CABLES1: variants seen among roughly 807,000 people sequenced by gnomAD.
CABLES1 encodes the protein Cdk5 and Abl enzyme substrate 1, also known as CDK5 and ABL1 enzyme substrate 1.
In CABLES1, 36 loss-of-function variants were observed where a neutral mutation model predicts 57.8. The ratio of observed to expected loss-of-function variants is 0.62; its 90% CI spans 0.48 to 0.82. The LOEUF is 0.82. Ranked by LOEUF, CABLES1 falls within the 40% of genes least tolerant of loss-of-function variation. CABLES1 has a pLI of 0.00. For missense variants in CABLES1, 767 were observed against 836.6 expected (o/e 0.92, Z 1.03); for synonymous variants, 374 against 363.0 (o/e 1.03, Z -0.35).
At chr18:23,141,893 C>A (rs1429587366) in intron 1 of CABLES1, among the ~76,000 whole-genome samples, 1 of 152,166 alleles carries the variant, frequency 6.6e-6, no homozygotes, top group African/African-American at 2.4e-5. Context: ...GGTGAGGTGG[C>A]AGAGAGCCAA....
chr18:23,222,516 TTC>T (rs888041607), intron 4 of CABLES1, among the ~76,000 whole-genome samples: 61 of 146,820 alleles, frequency 4.2e-4, no homozygotes, highest in Admixed American at 4.4e-4. Context: ...AGTGCTCACG[TTC>T]TCTCTCTCTC....
At chr18:23,144,846 G>A (rs7235010) in intron 1 of CABLES1, among the ~76,000 whole-genome samples, 116,283 of 152,094 alleles carry the variant, frequency 0.76, 44,725 homozygotes, top group Middle Eastern at 0.82. Flanking sequence ...GGCCAATGCT[G>A]TAAGTCAAGG....
rs763784586 is a variant in CABLES1 at position 23,206,007 on chromosome 18, T to C, written c.1011-7970T>C. Among the ~76,000 whole-genome samples the C allele has an allele frequency of 2.6e-5, 4 of 152,122 alleles. No homozygotes were observed. In the South Asian group the frequency reaches 6.2e-4, roughly 24 times the overall value. On this transcript the variant is annotated intron_variant, in intron 3 of 9. Transcript: ENST00000256925. ...CTCCCCAGTGCCTTCAAATGGAGCA[T>C]GGGCCTGCTGACACCTTGATTTTGG... is the stretch of plus-strand genomic sequence containing the variant.
chr18:23,203,811 A>G (rs559087929), intron 3 of CABLES1, among the ~76,000 whole-genome samples: 139 of 152,302 alleles, frequency 9.1e-4, no homozygotes, highest in African/African-American at 3.0e-3. Context: ...ATAGAAGTCA[A>G]GCATCTTCTG....
intron 1 of CABLES1, among the ~76,000 whole-genome samples, chr18:23,145,927 A>G (rs767743119): frequency 6.6e-6 from 1 of 152,240 alleles, no homozygotes; most frequent in African/African-American, 2.4e-5. Context: ...ATGACTTTAG[A>G]ATATTGTAAT....
chr18:23,234,803 G>C, intron 5 of CABLES1, 99 bp downstream of exon 5: 1 of 959,556 alleles, frequency 1.0e-6, no homozygotes, highest in South Asian at 1.4e-5. Flanking sequence ...TGAGGTGGAG[G>C]ACTCGAGGTC....
intron 3 of CABLES1, among the ~76,000 whole-genome samples, chr18:23,210,747 G>A (rs2047398963): frequency 6.6e-6 from 1 of 152,168 alleles, no homozygotes; most frequent in South Asian, 2.1e-4. Flanking sequence ...ACTACTTCAG[G>A]AAACACGTAT....
intron 1 of CABLES1, among the ~76,000 whole-genome samples, chr18:23,176,161 C>T (rs887857496): frequency 4.6e-5 from 7 of 152,094 alleles, no homozygotes; most frequent in South Asian, 2.1e-4. Flanking sequence ...TTCCTTATGC[C>T]AGTGGTCCCC....
At chr18:23,152,486 A>AT (rs67308509) in intron 1 of CABLES1, among the ~76,000 whole-genome samples, 95,638 of 134,828 alleles carry the variant, frequency 0.71, 34,545 homozygotes, top group Middle Eastern at 0.84. Context: ...GTTTGGTCTA[A>AT]TTTTTTTTTT....
In CABLES1 at chr18:23,136,088, G is replaced by A. The variant is rs1474762584; in HGVS notation, c.326G>A (p.Ser109Asn). The A allele has an allele frequency of 5.1e-6, 6 of 1,179,454 alleles. No individual in the cohort carries two copies. The highest frequency in any genetic ancestry group is 6.3e-6 in the Non-Finnish European group (6 of 955,582). 73.1% of individuals were successfully genotyped at this position (1,179,454 alleles called of 1,614,324 possible). ...GGACGARTRF[S>N]LLAAAERGGC... The stretch of plus-strand genomic sequence containing the variant: ...GCCTGCGGCGCGAGGACTCGGTTCA[G>A]CTTGCTCGCCGCTGCCGAGCGGGGC... Residue 109 changes from serine to asparagine, a missense_variant, in exon 1 of 10, where the codon AGC becomes AAC. Physicochemically the swap from Ser to Asn is conservative, Grantham distance 46. Coordinates refer to ENST00000256925, the MANE Select transcript of CABLES1 (RefSeq NM_001100619.3).
At chr18:23,253,430 C>T (rs1275091831) in intron 8 of CABLES1, among the ~76,000 whole-genome samples, 7 of 152,198 alleles carry the variant, frequency 4.6e-5, no homozygotes, top group Admixed American at 2.0e-4. Flanking sequence ...TTGCAGTGAG[C>T]CAAGATCGTG....
At chr18:23,139,616 T>C (rs1298772673) in intron 1 of CABLES1, among the ~76,000 whole-genome samples, 1 of 152,120 alleles carries the variant, frequency 6.6e-6, no homozygotes, top group Non-Finnish European at 1.5e-5. Context: ...TTACACCACC[T>C]CTGTTCACTG....
chr18:23,206,735 GAATATTTTTTAAAGCATCCAGTATTA>G (rs1660137706), intron 3 of CABLES1, among the ~76,000 whole-genome samples: 1 of 151,506 alleles, frequency 6.6e-6, no homozygotes, highest in Admixed American at 6.6e-5. Flanking sequence ...TGCCTTGTGT[GAATATTTTTTAAAGCATCCAGTATTA>G]AACAAAAAAT....
chr18:23,150,736 T>C (rs935865163), intron 1 of CABLES1, among the ~76,000 whole-genome samples: 1 of 151,746 alleles, frequency 6.6e-6, no homozygotes, highest in Non-Finnish European at 1.5e-5. Context: ...TGAACTTCTA[T>C]TAGGTGTTGT....
intron 3 of CABLES1, among the ~76,000 whole-genome samples, chr18:23,208,137 C>T (rs1298273679): frequency 3.3e-5 from 5 of 152,152 alleles, no homozygotes; most frequent in African/African-American, 4.8e-5. Context: ...CCTTCTTGTC[C>T]ACGGGACCCC....
At chr18:23,252,874 A>C in intron 7 of CABLES1, 86 bp from the exon 8 acceptor site, 1 of 818,266 alleles carries the variant, frequency 1.2e-6, no homozygotes, top group East Asian at 2.6e-5. Context: ...TGGCTTTGGG[A>C]GTTGTAAGTT....
intron 7 of CABLES1, among the ~76,000 whole-genome samples, chr18:23,240,206 G>A (rs1184252475): frequency 2.0e-5 from 3 of 152,312 alleles, no homozygotes; most frequent in South Asian, 4.1e-4. Flanking sequence ...ACTTCCCCGA[G>A]GAATGGCACT....
At chr18:23,246,272 A>G (rs528173799) in intron 7 of CABLES1, among the ~76,000 whole-genome samples, 2 of 151,974 alleles carry the variant, frequency 1.3e-5, no homozygotes, top group Non-Finnish European at 2.9e-5. Flanking sequence ...TCTCAAAAAA[A>G]AAAAAGAAAA....
chr18:23,157,828 AT>A (rs2046975863), intron 1 of CABLES1, among the ~76,000 whole-genome samples: 1 of 151,994 alleles, frequency 6.6e-6, no homozygotes, highest in Admixed American at 6.6e-5. Context: ...GTCTAAAAAA[AT>A]AAAATAAAAT....
Sources: allele counts gnomAD v4.1 joint callset (sites outside exome capture counted in the v4.1 genomes callset), GRCh38; gene constraint gnomAD v4.1.1; transcripts MANE v1.5; gene names NCBI Gene and HGNC (gene_info 2026-07-23, HGNC 2026-07-21).